Variants in ADGRB3 observed in about 807,000 individuals in gnomAD.
The protein encoded by ADGRB3 is adhesion G protein-coupled receptor B3.
In ADGRB3, 37 loss-of-function variants were observed where a neutral mutation model predicts 193.4. That is an observed-to-expected ratio of 0.19 (90% CI 0.15 to 0.25). The LOEUF is 0.25. ADGRB3 is among the 10% of genes least tolerant of loss of function. ADGRB3 has a pLI of 1.00. For synonymous variants in ADGRB3, 690 were observed against 644.2 expected (o/e 1.07, Z -1.08); for missense variants, 1,637 against 1,852.9 (o/e 0.88, Z 2.14).
intron 3 of ADGRB3, among the ~76,000 whole-genome samples, chr6:68,782,425 A>G (rs1037674147): frequency 9.2e-5 from 14 of 152,042 alleles, no homozygotes; most frequent in Non-Finnish European, 1.0e-4. Context: ...TAGTGCCGCA[A>G]TAAACATACA....
chr6:68,638,348 A>G (rs1202061343), intron 2 of ADGRB3, among the ~76,000 whole-genome samples: 2 of 152,216 alleles, frequency 1.3e-5, no homozygotes, highest in Non-Finnish European at 2.9e-5. Flanking sequence ...TTCCCTTTTC[A>G]TTCGATAGAA....
intron 13 of ADGRB3, among the ~76,000 whole-genome samples, chr6:69,022,639 G>T (rs931705991): frequency 2.0e-5 from 3 of 151,726 alleles, no homozygotes; most frequent in Middle Eastern, 3.2e-3. Context: ...TCTTGATACT[G>T]TTCATTCCTT....
chr6:68,683,200 CA>C (rs2127298969), intron 3 of ADGRB3, among the ~76,000 whole-genome samples: 1 of 152,216 alleles, frequency 6.6e-6, no homozygotes, highest in African/African-American at 2.4e-5. Flanking sequence ...TGTACCTATA[CA>C]TTTTTAAATA....
In ADGRB3 at chr6:68,749,739, A is replaced by G. The variant is rs908331912; in HGVS notation, c.757+110307A>G. Among the ~76,000 whole-genome samples the G allele has an allele frequency of 3.3e-5, 5 of 152,232 alleles. 1 individual carries two copies. The highest frequency in any genetic ancestry group is 6.5e-5 in the Admixed American group (1 of 15,278). On this transcript the variant is annotated intron_variant, in intron 3 of 31. Coordinates refer to ENST00000370598, the MANE Select transcript of ADGRB3 (RefSeq NM_001704.3). ...AGGATACACTTAAAAAAAGAACACC[A>G]TTGCATTCTAAAGCAAGGATTGTGA...
chr6:68,973,599 ATCCTCACTTATTTATC>A (rs1443455319), intron 8 of ADGRB3, among the ~76,000 whole-genome samples: 3 of 152,180 alleles, frequency 2.0e-5, no homozygotes, highest in African/African-American at 7.2e-5. Flanking sequence ...GTATTTTAAG[ATCCTCACTTATTTATC>A]AAGGTATTTA....
chr6:68,722,331 G>A (rs77586889), intron 3 of ADGRB3, among the ~76,000 whole-genome samples: 3,139 of 151,742 alleles, frequency 0.021, 110 homozygotes, highest in African/African-American at 0.07. Flanking sequence ...GTTGCGGGGC[G>A]GGGGTTGTGT....
intron 13 of ADGRB3, 53 bp downstream of exon 13, chr6:69,018,552 A>G (rs764775364): frequency 4.3e-5 from 51 of 1,191,890 alleles, no homozygotes; most frequent in Non-Finnish European, 5.9e-5. Context: ...AAAAATTGCA[A>G]GTATCTACAC....
At position 69,082,629 on chromosome 6, in the gene ADGRB3, T is replaced by A. The variant is rs186005583; in HGVS notation, c.2480+6591T>A. Among the ~76,000 whole-genome samples, 210 of 152,176 alleles carry A rather than the reference T, an allele frequency of 1.4e-3. 1 individual carries two copies. The highest frequency in any genetic ancestry group is 2.5e-3 in the Non-Finnish European group (168 of 68,018). ...AGAGTTTCCATTTAATTACTTTTGA[T>A]CTGGTAAATTACTTTCTAGGTTTTT... On this transcript the variant is annotated intron_variant, in intron 17 of 31. Transcript: ENST00000370598.
chr6:69,163,690 G>A (rs1317217249), intron 17 of ADGRB3, among the ~76,000 whole-genome samples: 1 of 152,058 alleles, frequency 6.6e-6, no homozygotes, highest in Non-Finnish European at 1.5e-5. Flanking sequence ...TGGTTGAATT[G>A]TAAATACTGT....
At chr6:69,060,055 G>A (rs748491021) in intron 15 of ADGRB3, among the ~76,000 whole-genome samples, 6 of 152,034 alleles carry the variant, frequency 3.9e-5, no homozygotes, top group Non-Finnish European at 5.9e-5. Context: ...GTAGGTGCAC[G>A]TTACTGTATT....
intron 17 of ADGRB3, among the ~76,000 whole-genome samples, chr6:69,205,216 T>C (rs1765510831): frequency 6.6e-6 from 1 of 152,156 alleles, no homozygotes; most frequent in Non-Finnish European, 1.5e-5. Flanking sequence ...GGACATTTTA[T>C]TTAACTCAAT....
intron 3 of ADGRB3, among the ~76,000 whole-genome samples, chr6:68,867,312 G>C (rs1017684688): frequency 6.6e-6 from 1 of 152,210 alleles, no homozygotes; most frequent in South Asian, 2.1e-4. Flanking sequence ...GCTTCAGGGG[G>C]TTCCAGCCCC....
intron 17 of ADGRB3, among the ~76,000 whole-genome samples, chr6:69,182,712 G>C (rs927129934): frequency 6.6e-6 from 1 of 151,954 alleles, no homozygotes; most frequent in Non-Finnish European, 1.5e-5. Context: ...TGGATATAAC[G>C]ATTGGTAAGC....
At chr6:68,772,883 AAAAAAAAAAAAAT>A (rs1766651418) in intron 3 of ADGRB3, among the ~76,000 whole-genome samples, 5 of 10,662 alleles carry the variant, frequency 4.7e-4, no homozygotes, top group Non-Finnish European at 8.8e-4. Context: ...ACAAACAAAC[AAAAAAAAAAAAAT>A]ATATATATAT....
chr6:68,927,486 A>T (rs888029689), intron 3 of ADGRB3, among the ~76,000 whole-genome samples: 2 of 152,132 alleles, frequency 1.3e-5, no homozygotes, highest in Non-Finnish European at 2.9e-5. Flanking sequence ...GAAGAAGATA[A>T]TGCCATCTTG....
intron 3 of ADGRB3, among the ~76,000 whole-genome samples, chr6:68,913,936 G>T (rs1198542659): frequency 6.6e-6 from 1 of 151,322 alleles, no homozygotes; most frequent in Non-Finnish European, 1.5e-5. Context: ...TGGAAGAAAG[G>T]GTATCAGTGA....
intron 20 of ADGRB3, among the ~76,000 whole-genome samples, chr6:69,281,047 A>G (rs1438024940): frequency 1.3e-5 from 2 of 152,222 alleles, no homozygotes; most frequent in African/African-American, 2.4e-5. Flanking sequence ...CAAAAGGACA[A>G]TACTACCTGG....
At chr6:69,003,611 T>G (rs746596216) in intron 11 of ADGRB3, among the ~76,000 whole-genome samples, 1 of 152,064 alleles carries the variant, frequency 6.6e-6, no homozygotes, top group Non-Finnish European at 1.5e-5. Flanking sequence ...CTGAGAAGAT[T>G]TCCTATTGTT....
intron 3 of ADGRB3, among the ~76,000 whole-genome samples, chr6:68,868,347 A>C (rs1022070191): frequency 3.3e-5 from 5 of 152,120 alleles, no homozygotes; most frequent in Non-Finnish European, 7.4e-5. Context: ...CCATGATTGT[A>C]AGTTTCTGAG....
Sources: allele counts gnomAD v4.1 joint callset (sites outside exome capture counted in the v4.1 genomes callset), GRCh38; gene constraint gnomAD v4.1.1; transcripts MANE v1.5; gene names NCBI Gene and HGNC (gene_info 2026-07-23, HGNC 2026-07-21).